Variants in MCM5 observed in about 807,000 individuals in gnomAD.
MCM5 encodes the protein minichromosome maintenance complex component 5.
MCM5 carries 46 observed loss-of-function variants against 79.9 expected under a neutral mutation model. That is an observed-to-expected ratio of 0.58 (90% CI 0.45 to 0.74). The LOEUF (loss-of-function observed/expected upper bound fraction) is 0.74, where lower values mean the gene tolerates loss of function less well. Ranked by LOEUF, MCM5 falls within the 30% of genes least tolerant of loss-of-function variation. The pLI is 0.00. For missense variants in MCM5, 883 were observed against 1,017.0 expected (o/e 0.87, Z 1.79); for synonymous variants, 404 against 390.5 (o/e 1.03, Z -0.41).
At chr22:35,404,697 G>T (rs985494817) in intron 4 of MCM5, among the ~76,000 whole-genome samples, 2 of 152,176 alleles carry the variant, frequency 1.3e-5, no homozygotes, top group Non-Finnish European at 2.9e-5. Context: ...CGCCTCCCCA[G>T]CCTCGCTTCT....
At chr22:35,412,191 A>G (rs1349478323) in intron 7 of MCM5, among the ~76,000 whole-genome samples, 1 of 152,206 alleles carries the variant, frequency 6.6e-6, no homozygotes, top group Non-Finnish European at 1.5e-5. Context: ...CGATGCTGTC[A>G]TGACCAAGAC....
the MCM5 span, among the ~76,000 whole-genome samples, chr22:35,445,420 C>T: frequency 6.7e-6 from 1 of 149,716 alleles, no homozygotes; most frequent in Non-Finnish European, 1.5e-5. Context: ...CCTCTACCTC[C>T]TGGGTTCAAG....
chr22:35,442,623 T>A, the MCM5 span, among the ~76,000 whole-genome samples: 6 of 152,138 alleles, frequency 3.9e-5, no homozygotes, highest in African/African-American at 7.2e-5. Flanking sequence ...ACCCTCCGAT[T>A]CCCTCCCACC....
At chr22:35,411,522 G>C (rs533895564) in intron 7 of MCM5, 6 of 152,672 alleles carry the variant, frequency 3.9e-5, no homozygotes, top group Admixed American at 3.9e-4. Context: ...AGGGCCGAGT[G>C]GGAGTCTAGG....
intron 15 of MCM5, 171 bp from the exon 16 acceptor site, chr22:35,423,043 A>G (rs1932734110): frequency 1.8e-6 from 1 of 552,884 alleles, no homozygotes; most frequent in Non-Finnish European, 3.0e-6. Flanking sequence ...CACATGTGCC[A>G]TATCCTGTCT....
intron 2 of MCM5, among the ~76,000 whole-genome samples, chr22:35,402,897 G>A (rs532912564): frequency 1.5e-4 from 23 of 152,162 alleles, no homozygotes; most frequent in Non-Finnish European, 2.4e-4. Context: ...AAGGCTCTGC[G>A]GAGTCCTTCA....
chr22:35,430,381 C>G (rs886135305), downstream of MCM5, among the ~76,000 whole-genome samples: 2 of 152,218 alleles, frequency 1.3e-5, no homozygotes, highest in Non-Finnish European at 2.9e-5. Flanking sequence ...AAGTGGGCAC[C>G]TGGTGCCCGC....
At chr22:35,426,517 T>C (rs1369363159), downstream of MCM5, among the ~76,000 whole-genome samples, 1 of 152,104 alleles carries the variant, frequency 6.6e-6, no homozygotes, top group Non-Finnish European at 1.5e-5. Flanking sequence ...GCTTGTCTTC[T>C]CAGATCTGTC....
intron 6 of MCM5, chr22:35,410,131 A>G (rs1248032880): frequency 7.6e-5 from 12 of 156,866 alleles, no homozygotes; most frequent in Admixed American, 7.3e-4. Flanking sequence ...TCATCCCCCT[A>G]GGCTCAGAGG....
the MCM5 span, among the ~76,000 whole-genome samples, chr22:35,433,132 T>TG: frequency 6.6e-6 from 1 of 152,068 alleles, no homozygotes; most frequent in Admixed American, 6.6e-5. Context: ...GACAGGGTCT[T>TG]GCTATATTGC....
At chr22:35,438,621 A>ATCCATCCACCCACATATTCATCCG in the MCM5 span, among the ~76,000 whole-genome samples, 4 of 151,348 alleles carry the variant, frequency 2.6e-5, no homozygotes, top group African/African-American at 9.7e-5. Context: ...ATATTCATCC[A>ATCCATCCACCCACATATTCATCCG]TCCATCCACC....
At chr22:35,413,265 C>T (rs917220513) in intron 8 of MCM5, among the ~76,000 whole-genome samples, 2 of 152,086 alleles carry the variant, frequency 1.3e-5, no homozygotes, top group African/African-American at 4.8e-5. Flanking sequence ...AGGATGGTCT[C>T]GATCTCCTGA....
chr22:35,443,631 T>TCACCTTTC, the MCM5 span, among the ~76,000 whole-genome samples: 2 of 152,200 alleles, frequency 1.3e-5, no homozygotes, highest in African/African-American at 4.8e-5. Flanking sequence ...GACTTCTCCC[T>TCACCTTTC]CACCTTTCCA....
the MCM5 span, among the ~76,000 whole-genome samples, chr22:35,441,193 C>G: frequency 1.3e-5 from 2 of 152,294 alleles, no homozygotes; most frequent in South Asian, 4.1e-4. Context: ...CTGGGAGAGG[C>G]TGGAGAAGGG....
intron 2 of MCM5, among the ~76,000 whole-genome samples, chr22:35,402,819 C>G (rs1932099881): frequency 6.6e-6 from 1 of 152,230 alleles, no homozygotes; most frequent in East Asian, 1.9e-4. Flanking sequence ...GTTGGGATTA[C>G]AGGCATGAGC....
Position 35,403,294 on chromosome 22 carries a change from C to G in MCM5, c.255C>G (p.Ala85=), listed in dbSNP as rs752365284. The stretch of plus-strand genomic sequence containing the variant: ...TGGCCAGCTTTGATGAGGACCTGGC[C>G]GACTACTTGTACAAGCAGCCAGCCG... ...EDLASFDEDL[A]DYLYKQPAEH... is the part of the protein sequence containing the mutation. Residue 85 remains alanine, a synonymous_variant, in exon 3 of 17, where the codon GCC becomes GCG. Coordinates refer to ENST00000216122, the MANE Select transcript of MCM5 (RefSeq NM_006739.4). 6.2e-7 allele frequency: 1 copy of G among 1,614,076 alleles called. No homozygotes were observed. The highest frequency in any genetic ancestry group is 8.5e-7 in the Non-Finnish European group (1 of 1,180,030).
chr22:35,437,639 G>A, the MCM5 span, among the ~76,000 whole-genome samples: 3 of 152,320 alleles, frequency 2.0e-5, no homozygotes, highest in South Asian at 6.2e-4. Flanking sequence ...GACTATCAGA[G>A]AGGAGATGAA....
At chr22:35,426,610 A>T (rs375811081), downstream of MCM5, among the ~76,000 whole-genome samples, 1 of 152,176 alleles carries the variant, frequency 6.6e-6, no homozygotes, top group East Asian at 1.9e-4. Flanking sequence ...GCCTCCTTTC[A>T]TCTGTAGAAA....
the MCM5 span, among the ~76,000 whole-genome samples, chr22:35,447,676 G>A: frequency 6.6e-6 from 1 of 151,956 alleles, no homozygotes; most frequent in Non-Finnish European, 1.5e-5. Context: ...CATGTTGGCC[G>A]GGCTGGTCTC....
Sources: allele counts gnomAD v4.1 joint callset (sites outside exome capture counted in the v4.1 genomes callset), GRCh38; gene constraint gnomAD v4.1.1; transcripts MANE v1.5; gene names NCBI Gene and HGNC (gene_info 2026-07-23, HGNC 2026-07-21).